UNC13C: variants seen among roughly 807,000 people sequenced by gnomAD.
UNC13C encodes the protein protein unc-13 homolog C.
UNC13C carries 174 observed loss-of-function variants against 245.4 expected under a neutral mutation model. The ratio of observed to expected loss-of-function variants is 0.71; its 90% CI spans 0.63 to 0.80. The LOEUF is 0.80. Ranked by LOEUF, UNC13C falls within the 30% of genes least tolerant of loss-of-function variation. UNC13C has a pLI of 0.00. For missense variants in UNC13C, 2,829 were observed against 2,602.9 expected, an observed-to-expected ratio of 1.09 and a Z score of -1.89; for synonymous variants, 992 against 895.1, an observed-to-expected ratio of 1.11 and a Z score of -1.93.
At chr15:54,087,166 T>C (rs1899290772) in intron 2 of UNC13C, among the ~76,000 whole-genome samples, 1 of 152,184 alleles carries the variant, frequency 6.6e-6, no homozygotes. Context: ...CTTATTGTTT[T>C]CACTTGAAGC....
chr15:54,317,305 G>A (rs950435874), intron 13 of UNC13C, among the ~76,000 whole-genome samples: 2 of 151,788 alleles, frequency 1.3e-5, no homozygotes, highest in African/African-American at 4.8e-5. Context: ...TATAACTCAA[G>A]ACTACACTTA....
At chr15:53,955,773 C>A in the UNC13C span, 1 of 152,148 alleles carries the variant, frequency 6.6e-6, no homozygotes, top group African/African-American at 2.4e-5. Flanking sequence ...ACTTACCTTC[C>A]CCATTCTGAT....
chr15:54,402,692 T>C (rs2040211523), intron 18 of UNC13C, among the ~76,000 whole-genome samples: 1 of 152,116 alleles, frequency 6.6e-6, no homozygotes, highest in African/African-American at 2.4e-5. Context: ...AAACTGCAGA[T>C]GATGAAACTT....
chr15:54,167,069 A>T (rs1469733194), intron 4 of UNC13C, among the ~76,000 whole-genome samples: 1 of 152,172 alleles, frequency 6.6e-6, no homozygotes, highest in African/African-American at 2.4e-5. Context: ...ATACTACCTG[A>T]CTCCAAGATA....
chr15:54,120,660 T>C lies in UNC13C; in HGVS notation c.2984-22358T>C, dbSNP rs369331874. Among the ~76,000 whole-genome samples the C allele has an allele frequency of 4.6e-5, 7 of 152,072 alleles. No homozygotes were observed. The East Asian group carries it at 9.7e-4, about 21-fold the overall frequency. On this transcript the variant is annotated intron_variant, in intron 2 of 32. Transcript: ENST00000260323. ...TCAGATGAATCTAGGAAAAAGTCAATTGAAAACCTTCTGGAAAGGATTCGC... is the reference window on the plus strand; with the variant it reads ...TCAGATGAATCTAGGAAAAAGTCAACTGAAAACCTTCTGGAAAGGATTCGC...
At chr15:54,180,160 T>G (rs1308957893) in intron 4 of UNC13C, among the ~76,000 whole-genome samples, 1 of 151,984 alleles carries the variant, frequency 6.6e-6, no homozygotes, top group Non-Finnish European at 1.5e-5. Context: ...GCCTCTTCTC[T>G]TCTCCGCTCT....
At chr15:54,581,434 G>T (rs900140454) in intron 30 of UNC13C, among the ~76,000 whole-genome samples, 1 of 152,222 alleles carries the variant, frequency 6.6e-6, no homozygotes, top group Non-Finnish European at 1.5e-5. Context: ...GGAAGTCCAA[G>T]ATCAATGTGC....
chr15:54,072,102 T>C (rs1898356080), intron 2 of UNC13C, among the ~76,000 whole-genome samples: 1 of 152,164 alleles, frequency 6.6e-6, no homozygotes, highest in Non-Finnish European at 1.5e-5. Flanking sequence ...CCATAGACTT[T>C]GTGTCTCTTT....
At chr15:54,233,260 T>C (rs1008709081) in intron 4 of UNC13C, among the ~76,000 whole-genome samples, 5 of 152,194 alleles carry the variant, frequency 3.3e-5, no homozygotes, top group African/African-American at 1.2e-4. Flanking sequence ...AAGGGGTCTT[T>C]TAAATGTCAC....
chr15:54,476,040 G>T (rs1892719567), intron 19 of UNC13C, among the ~76,000 whole-genome samples: 1 of 114,412 alleles, frequency 8.7e-6, no homozygotes, highest in Admixed American at 8.9e-5. Flanking sequence ...GTTTTGATTT[G>T]CATTTCTCTG....
chr15:53,880,391 G>A, the UNC13C span, among the ~76,000 whole-genome samples: 46 of 152,298 alleles, frequency 3.0e-4, no homozygotes, highest in African/African-American at 1.0e-3. Flanking sequence ...CTTGTGTTGC[G>A]GCTGCTTTGC....
At chr15:54,481,144 C>T (rs567738559) in intron 19 of UNC13C, among the ~76,000 whole-genome samples, 1 of 152,034 alleles carries the variant, frequency 6.6e-6, no homozygotes, top group African/African-American at 2.4e-5. Context: ...TGGAGTTCCT[C>T]TGTGGTTTAA....
chr15:54,062,323 CAAA>C (rs539952952), intron 2 of UNC13C, among the ~76,000 whole-genome samples: 2 of 114,386 alleles, frequency 1.7e-5, no homozygotes, highest in Non-Finnish European at 3.7e-5. Flanking sequence ...AACTCAGTCT[CAAA>C]AAAAAAAAAA....
chr15:54,617,042 C>A (rs777232163), intron 30 of UNC13C, among the ~76,000 whole-genome samples: 65 of 152,020 alleles, frequency 4.3e-4, no homozygotes, highest in Non-Finnish European at 8.4e-4. Flanking sequence ...TATACCCTAC[C>A]ACTTAGAAGT....
intron 19 of UNC13C, among the ~76,000 whole-genome samples, chr15:54,448,679 T>A (rs958501245): frequency 6.6e-6 from 1 of 152,170 alleles, no homozygotes; most frequent in Admixed American, 6.5e-5. Flanking sequence ...TCTGCACGTG[T>A]GATGGGTTTC....
chr15:54,505,531 G>T (rs1894433604), intron 22 of UNC13C, among the ~76,000 whole-genome samples: 1 of 152,130 alleles, frequency 6.6e-6, no homozygotes, highest in South Asian at 2.1e-4. Flanking sequence ...GAAACAATGA[G>T]TTAAGCATGT....
At chr15:54,560,637 T>C (rs1351201196) in intron 29 of UNC13C, among the ~76,000 whole-genome samples, 2 of 151,916 alleles carry the variant, frequency 1.3e-5, no homozygotes, top group South Asian at 2.1e-4. Flanking sequence ...TATTAATGTA[T>C]CTAGGGTGGA....
At position 54,045,541 on chromosome 15, in the gene UNC13C, C is replaced by G. The variant is rs538737947; in HGVS notation, c.2983+29655C>G. Among the ~76,000 whole-genome samples the G allele has an allele frequency of 2.6e-5, 4 of 152,186 alleles. No individual in the cohort carries two copies. The East Asian group carries it at 7.7e-4, about 29-fold the overall frequency. On this transcript the variant is annotated intron_variant, in intron 2 of 32. Coordinates refer to ENST00000260323, the MANE Select transcript of UNC13C (RefSeq NM_001080534.3). The stretch of plus-strand genomic sequence containing the variant: ...GAATTATTACCATGTGTGGTGGGGC[C>G]TCTGACCAGTGGGAGGTCGCAGTAC...
chr15:54,105,561 A>C lies in UNC13C; in HGVS notation c.2984-37457A>C, dbSNP rs80264379. ...TTTGGCCAATTCGTGAAGTTTAAAC[A>C]GAAGTCACATGTTGCATTTTAAGGT... On this transcript the variant is annotated intron_variant, in intron 2 of 32. Coordinates refer to ENST00000260323, the MANE Select transcript of UNC13C (RefSeq NM_001080534.3). 3.5e-3 allele frequency among the ~76,000 whole-genome samples: 531 copies of C among 152,368 alleles called. 3 individuals are homozygous for C. Among genetic ancestry groups the C allele is most frequent in the Non-Finnish European group, 5.9e-3 (401 of 68,034 alleles).
Sources: gnomAD v4.1 joint callset for allele counts (sites outside exome capture counted in the v4.1 genomes callset) on GRCh38, gnomAD v4.1.1 for gene constraint, MANE v1.5 for transcripts, NCBI Gene and HGNC (gene_info 2026-07-23, HGNC 2026-07-21) for gene names.